Variants in ABCC8 observed in about 807,000 individuals in gnomAD.
ABCC8 encodes ATP-binding cassette sub-family C member 8.
Under a neutral mutation model 188.0 loss-of-function variants are expected in ABCC8, and 137 were observed. That is an observed-to-expected ratio of 0.73 (90% CI 0.63 to 0.84). ABCC8 has a LOEUF of 0.84. ABCC8 is among the 40% of genes least tolerant of loss of function. The pLI is 0.00. For synonymous variants in ABCC8, 797 were observed against 846.5 expected (o/e 0.94, Z 1.01); for missense variants, 1,750 against 2,072.7 (o/e 0.84, Z 3.02).
At chr11:17,436,856 A>T (rs1414502927) in intron 10 of ABCC8, among the ~76,000 whole-genome samples, 1 of 152,182 alleles carries the variant, frequency 6.6e-6, no homozygotes, top group Non-Finnish European at 1.5e-5. Flanking sequence ...TGGGAGGCCA[A>T]GGTGGGTGGA....
At chr11:17,464,783 T>C (rs899946949) in intron 3 of ABCC8, among the ~76,000 whole-genome samples, 2 of 151,942 alleles carry the variant, frequency 1.3e-5, no homozygotes, top group Non-Finnish European at 1.5e-5. Context: ...CCTTTGAGGG[T>C]GGGGGAGATT....
intron 10 of ABCC8, chr11:17,436,122 A>C: frequency 1.3e-6 from 1 of 796,386 alleles, no homozygotes; most frequent in South Asian, 1.3e-5. Flanking sequence ...TACAGAGCTG[A>C]GGGCTAAAGT....
chr11:17,413,520 T>A (rs1201993682), intron 19 of ABCC8, 42 bp from the exon 20 acceptor site: 1 of 1,612,784 alleles, frequency 6.2e-7, no homozygotes, highest in Non-Finnish European at 8.5e-7. Context: ...GTCAGCCTGG[T>A]CAGAGTTGGC....
At chr11:17,451,326 A>G (rs567888618) in intron 7 of ABCC8, among the ~76,000 whole-genome samples, 2 of 152,306 alleles carry the variant, frequency 1.3e-5, no homozygotes, top group South Asian at 2.1e-4. Context: ...CTGGGCCCCC[A>G]TGAGTCTTAG....
rs1014389339 is a variant in ABCC8, at chr11:17,395,194, C to A, written c.4389G>T (p.Val1463=). The part of the protein sequence containing the change: ...ALEIAQLKLV[V]KALPGGLDAI... ...TACCGAGGCCTCCTGGCAGTGCCTT[C>A]ACCACCAGCTTCAGCTGGGCGATTT... The change falls in exon 36 of 39, where the codon GTG becomes GTT. Residue 1463 remains valine (V), a synonymous_variant. Transcript: ENST00000389817. The A allele has an allele frequency of 6.3e-7, 1 of 1,585,782 alleles. No individual in the cohort carries two copies. The highest frequency in any genetic ancestry group is 1.7e-4 in the Middle Eastern group (1 of 6,024).
Position 17,474,911 on chromosome 11 carries a change from T to G in ABCC8, c.265A>C (p.Ile89Leu). ...CCATCAGACAGGATGCCCTCTGCAA[T>G]CTCACACACCAGGACGAAGAGCAGC... ...FMLLFVLVCE[I>L]AEGILSDGVT... The change falls in exon 2 of 39, where the codon ATT becomes CTT. Residue 89 changes from isoleucine (I) to leucine (L), a missense_variant. Ile to Leu is a conservative substitution (Grantham distance 5). Transcript: ENST00000389817. The G allele has an allele frequency of 6.2e-7, 1 of 1,613,980 alleles. No individual in the cohort carries two copies. Among genetic ancestry groups the G allele is most frequent in the Non-Finnish European group, 8.5e-7 (1 of 1,180,036 alleles).
Position 17,476,801 on chromosome 11 carries a change from C to T in ABCC8, c.-25G>A. The T allele has an allele frequency of 2.0e-6, 3 of 1,526,238 alleles. No individual in the cohort carries two copies. The highest frequency in any genetic ancestry group is 1.2e-5 in the South Asian group (1 of 81,236). 94.5% of individuals were successfully genotyped at this position (1,526,238 alleles called of 1,614,324 possible). A position where few individuals can be genotyped will look rare whatever the true frequency, so the allele number is the denominator to read the frequency against. On this transcript the variant is annotated 5_prime_UTR_variant, in exon 1 of 39. Coordinates refer to ENST00000389817, the MANE Select transcript of ABCC8 (RefSeq NM_000352.6). ...TGGCGGCGCGGGCGCGGGCTGGGCT[C>T]GGGCTCAGCTGGCTCCGCTGGCTCC...
chr11:17,410,749 C>G, intron 21 of ABCC8, 96 bp from the exon 22 acceptor site: 1 of 1,562,172 alleles, frequency 6.4e-7, no homozygotes, highest in African/African-American at 1.3e-5. Context: ...TCTATCAACT[C>G]TGCTCTAGGG....
chr11:17,416,807 G>A (rs1245190677), intron 17 of ABCC8, 123 bp downstream of exon 17: 2 of 1,450,788 alleles, frequency 1.4e-6, no homozygotes, highest in Non-Finnish European at 1.9e-6. Context: ...CCATGTCTCT[G>A]AAAATATGTA....
At chr11:17,393,917 C>G in intron 37 of ABCC8, 158 bp from the exon 38 acceptor site, 1 of 919,002 alleles carries the variant, frequency 1.1e-6, no homozygotes, top group Non-Finnish European at 1.3e-6. Flanking sequence ...TCCCGGCACT[C>G]AGGGACTGGA....
At chr11:17,464,093 C>T (rs75043095) in intron 3 of ABCC8, among the ~76,000 whole-genome samples, 2,758 of 152,338 alleles carry the variant, frequency 0.018, 96 homozygotes, top group African/African-American at 0.064. Flanking sequence ...GCTGGCCTGA[C>T]GCTGGAGCCC....
Position 17,395,926 on chromosome 11 carries a change from C to T in ABCC8, c.4124G>A (p.Gly1375Glu). 1 of 1,579,456 alleles carries T rather than the reference C, an allele frequency of 6.3e-7. No individual in the cohort carries two copies. Among genetic ancestry groups the T allele is most frequent in the Non-Finnish European group, 8.6e-7 (1 of 1,160,824 alleles). The change falls in exon 34 of 39, where the codon GGG (glycine) becomes GAG (glutamate). Residue 1375 changes from glycine (G) to glutamate (E), a missense_variant. Physicochemically the swap from Gly to Glu is moderately conservative, Grantham distance 98. Coordinates refer to ENST00000389817, the MANE Select transcript of ABCC8 (RefSeq NM_000352.6). ...CCCACTGCCGGTGCGGCCGCAGATC[C>T]CGATCTGGAAAGAGAGAAGCAGGCA... ...NALIAPGQKI[G>E]ICGRTGSGKS...
Position 17,427,870 on chromosome 11 carries a change from G to A in ABCC8, c.2113C>T (p.Arg705Ter), listed in dbSNP as rs751848086. ...TLSNITIRIP[R>*]GQLTMIVGQV... is the part of the protein sequence containing the mutation. Reference sequence around the variant, plus strand: ...GGAGGGGTGGACTGGGCCATACCTCGGGGGATACGAATGGTGATGTTGGAC... The same window carrying A: ...GGAGGGGTGGACTGGGCCATACCTCAGGGGATACGAATGGTGATGTTGGAC... Residue 705 changes from arginine (R) to a stop codon, truncating the protein, a stop_gained, in exon 15 of 39, where the codon CGA becomes TGA. Transcript: ENST00000389817. LOFTEE classifies it high-confidence loss of function. The surrounding 1 kb of genome is among the most constrained non-coding windows in gnomAD (Gnocchi z 5.0). 5.0e-6 allele frequency: 8 copies of A among 1,614,028 alleles called. No homozygotes were observed. Among genetic ancestry groups the A allele is most frequent in the East Asian group, 2.2e-5 (1 of 44,882 alleles).
In ABCC8 at chr11:17,474,894, C is replaced by G. The variant is rs757467422; in HGVS notation, c.282G>C (p.Leu94=). 51 of 1,614,134 alleles carry G rather than the reference C, an allele frequency of 3.2e-5. No individual in the cohort carries two copies. The highest frequency in any genetic ancestry group is 4.2e-5 in the Non-Finnish European group (50 of 1,180,046). The part of the protein sequence containing the change: ...VLVCEIAEGI[L]SDGVTESHHL... ...CTCAGACAGTCACTCACCCATCAGA[C>G]AGGATGCCCTCTGCAATCTCACACA... The change falls in exon 2 of 39, where the codon CTG becomes CTC. Residue 94 remains leucine (L), a synonymous_variant. Coordinates refer to ENST00000389817, the MANE Select transcript of ABCC8 (RefSeq NM_000352.6).
At chr11:17,392,716 G>C (rs564145372), downstream of ABCC8, 7 of 502,340 alleles carry the variant, frequency 1.4e-5, no homozygotes, top group Admixed American at 2.2e-4. Flanking sequence ...AAGCCACCCA[G>C]TCTGTGATAT....
In ABCC8 at chr11:17,404,796, C is replaced by T; in HGVS notation, c.3400-127G>A. On this transcript the variant is annotated intron_variant, in intron 27 of 38. Transcript: ENST00000389817. The surrounding 1 kb of genome is among the most constrained non-coding windows in gnomAD (Gnocchi z 4.7). The stretch of plus-strand genomic sequence containing the variant: ...TTTATTTTTTTGAGACTGAGTCTCA[C>T]TGTTGCCCAGACTTGAGTGCAGCAG... 1.4e-6 allele frequency: 2 copies of T among 1,410,282 alleles called. No individual in the cohort carries two copies. Among genetic ancestry groups the T allele is most frequent in the Non-Finnish European group, 1.9e-6 (2 of 1,034,982 alleles). 87.4% of individuals were successfully genotyped at this position (1,410,282 alleles called of 1,614,324 possible).
chr11:17,469,055 C>CA (rs1848325422), intron 3 of ABCC8, among the ~76,000 whole-genome samples: 1 of 4,208 alleles, frequency 2.4e-4, no homozygotes, highest in Non-Finnish European at 7.0e-4. Context: ...TTCTCCCTCC[C>CA]TCCTCCCTCC....
In ABCC8 at chr11:17,395,589, CT is replaced by C. The variant is rs1564874211; in HGVS notation, c.4307+20del. ...TGAGCCGGCCTGGGGCTGGGTGGGCCTGAGGGGTGGTGGGGCTCACCGGATG... is the reference window on the plus strand; with the variant it reads ...TGAGCCGGCCTGGGGCTGGGTGGGCCGAGGGGTGGTGGGGCTCACCGGATG... On this transcript the variant is annotated intron_variant, in intron 35 of 38. Transcript: ENST00000389817. 9.7e-6 allele frequency: 15 copies of C among 1,546,126 alleles called. No homozygotes were observed. The highest frequency in any genetic ancestry group is 1.2e-5 in the Non-Finnish European group (14 of 1,147,174).
intron 8 of ABCC8, among the ~76,000 whole-genome samples, chr11:17,443,742 G>A: frequency 6.6e-6 from 1 of 152,196 alleles, no homozygotes; most frequent in South Asian, 2.1e-4. Flanking sequence ...ACCCATGCCA[G>A]AAAAAACCAG....
Sources: allele counts gnomAD v4.1 joint callset (sites outside exome capture counted in the v4.1 genomes callset), GRCh38; gene constraint gnomAD v4.1.1; non-coding constraint Gnocchi (gnomAD v3.1); transcripts MANE v1.5; gene names NCBI Gene and HGNC (gene_info 2026-07-23, HGNC 2026-07-21).